The following TP63 variants were observed in gnomAD, a reference collection of about 807,000 sequenced individuals.
TP63 encodes the protein tumor protein p63, also known as tumor protein 63.
Under a neutral mutation model 82.8 loss-of-function variants are expected in TP63, and 17 were observed. The ratio of observed to expected loss-of-function variants is 0.21; its 90% CI spans 0.14 to 0.31. TP63 has a LOEUF of 0.31. Ranked by LOEUF, TP63 falls within the 10% of genes least tolerant of loss-of-function variation. The probability of loss-of-function intolerance (pLI) is 1.00; values close to 1 mark genes in which losing one functional copy is unlikely to be tolerated. For missense variants in TP63, 648 were observed against 895.3 expected (o/e 0.72, Z 3.52); for synonymous variants, 330 against 321.7 (o/e 1.03, Z -0.28).
the TP63 span, among the ~76,000 whole-genome samples, chr3:189,622,266 CAT>C: frequency 6.6e-6 from 1 of 152,210 alleles, no homozygotes; most frequent in East Asian, 1.9e-4. Context: ...CACTGAGGGA[CAT>C]GTGCTGGAAA....
intron 4 of TP63, among the ~76,000 whole-genome samples, chr3:189,830,436 A>G (rs2108703046): frequency 1.3e-5 from 2 of 152,346 alleles, no homozygotes; most frequent in Middle Eastern, 3.4e-3. Flanking sequence ...GAAATTGGAT[A>G]TCAGCATTAA....
intron 1 of TP63, among the ~76,000 whole-genome samples, chr3:189,699,069 A>C (rs1348263525): frequency 1.3e-5 from 2 of 152,162 alleles, no homozygotes; most frequent in Non-Finnish European, 2.9e-5. Flanking sequence ...TCCATTCACA[A>C]AGCTTACAAT....
chr3:189,643,460 A>AAAAG (rs973316988), intron 1 of TP63, among the ~76,000 whole-genome samples: 1 of 150,938 alleles, frequency 6.6e-6, no homozygotes, highest in African/African-American at 2.4e-5. Flanking sequence ...CTGATTAAAA[A>AAAAG]AAAAAAACCC....
At chr3:189,696,530 A>G (rs1474779890) in intron 1 of TP63, among the ~76,000 whole-genome samples, 1 of 152,148 alleles carries the variant, frequency 6.6e-6, no homozygotes, top group Non-Finnish European at 1.5e-5. Context: ...TTTTGCGTAG[A>G]TGTAAGTTTT....
At chr3:189,609,139 A>C in the TP63 span, among the ~76,000 whole-genome samples, 12 of 152,130 alleles carry the variant, frequency 7.9e-5, no homozygotes, top group Admixed American at 7.9e-4. Context: ...CACCATAAAT[A>C]AGAAATCACT....
At chr3:189,848,376 C>T (rs1209225611) in intron 4 of TP63, among the ~76,000 whole-genome samples, 2 of 141,018 alleles carry the variant, frequency 1.4e-5, no homozygotes, top group African/African-American at 5.3e-5. Flanking sequence ...TGCCCCCATA[C>T]CTGGCTTTTT....
At chr3:189,892,996 T>A (rs1033135971) in intron 13 of TP63, among the ~76,000 whole-genome samples, 4 of 152,128 alleles carry the variant, frequency 2.6e-5, no homozygotes, top group African/African-American at 9.7e-5. Context: ...AGCTTCTTCC[T>A]GCGTATTTCT....
intron 3 of TP63, among the ~76,000 whole-genome samples, chr3:189,775,575 A>G (rs1015912563): frequency 3.3e-5 from 5 of 152,198 alleles, no homozygotes; most frequent in African/African-American, 9.6e-5. Flanking sequence ...ACCTTCTAAT[A>G]TACTTGGGCA....
At chr3:189,780,456 T>C (rs1724143190) in intron 3 of TP63, among the ~76,000 whole-genome samples, 1 of 152,214 alleles carries the variant, frequency 6.6e-6, no homozygotes, top group African/African-American at 2.4e-5. Context: ...CTCTTGAAGT[T>C]GGATTTGGTT....
intron 10 of TP63, among the ~76,000 whole-genome samples, chr3:189,874,530 G>A (rs1170433500): frequency 6.6e-6 from 1 of 152,048 alleles, no homozygotes; most frequent in Non-Finnish European, 1.5e-5. Flanking sequence ...ATCCTTTTTG[G>A]CCCGAAGGGA....
Position 189,670,361 on chromosome 3 carries a change from A to G in TP63, c.62+38784A>G, listed in dbSNP as rs567485312. On this transcript the variant is annotated intron_variant, in intron 1 of 13. Coordinates refer to ENST00000264731, the MANE Select transcript of TP63 (RefSeq NM_003722.5). ...AGCACACAATACATGACAACTGCAG[A>G]ATGTACATTCTTTTTACCTACCAAG... is the stretch of plus-strand genomic sequence containing the variant. Among the ~76,000 whole-genome samples the G allele has an allele frequency of 3.0e-4, 46 of 152,198 alleles. 1 individual carries two copies. In the South Asian group the frequency reaches 4.1e-3, roughly 14 times the overall value.
chr3:189,788,295 T>G (rs1297989067), intron 3 of TP63, among the ~76,000 whole-genome samples: 1 of 152,034 alleles, frequency 6.6e-6, no homozygotes, highest in Admixed American at 6.6e-5. Context: ...GGAAGCATTA[T>G]TACCAGTAAC....
intron 1 of TP63, among the ~76,000 whole-genome samples, chr3:189,677,062 A>C (rs939942616): frequency 6.6e-6 from 1 of 151,390 alleles, no homozygotes; most frequent in Non-Finnish European, 1.5e-5. Context: ...CCCATTTATA[A>C]GTGAGAACAC....
rs375923314 is a variant in TP63 at position 189,732,638 on chromosome 3, C to T, written c.63-5102C>T. Among the ~76,000 whole-genome samples the T allele has an allele frequency of 3.5e-4, 54 of 152,312 alleles. No homozygotes were observed. The South Asian group carries it at 0.011, about 31-fold the overall frequency. On this transcript the variant is annotated intron_variant, in intron 1 of 13. Transcript: ENST00000264731. ...CCTCTCAACCACCTTCTGAGGGAAG[C>T]ATAGTTGAAGAAACTAAGGTTCAAA...
At chr3:189,759,739 G>A (rs996909532) in intron 3 of TP63, among the ~76,000 whole-genome samples, 2 of 152,204 alleles carry the variant, frequency 1.3e-5, no homozygotes, top group Non-Finnish European at 2.9e-5. Flanking sequence ...TTCTTATTAT[G>A]TAGATGAAGT....
chr3:189,850,956 C>T (rs1482208279), intron 4 of TP63, among the ~76,000 whole-genome samples: 22 of 152,134 alleles, frequency 1.4e-4, no homozygotes, highest in Admixed American at 1.4e-3. Flanking sequence ...TGTCAACAAA[C>T]ACTTTCTCAC....
chr3:189,659,552 ATT>A (rs914031341), intron 1 of TP63, among the ~76,000 whole-genome samples: 1 of 151,796 alleles, frequency 6.6e-6, no homozygotes, highest in African/African-American at 2.4e-5. Flanking sequence ...TTAATAAAAT[ATT>A]TTTTTCTTTT....
chr3:189,859,000 G>A (rs1402916405), intron 4 of TP63, among the ~76,000 whole-genome samples: 2 of 152,076 alleles, frequency 1.3e-5, no homozygotes, highest in Non-Finnish European at 2.9e-5. Context: ...GAAAAGATGG[G>A]TCAATGGGTA....
intron 4 of TP63, among the ~76,000 whole-genome samples, chr3:189,850,291 C>A: frequency 6.6e-6 from 1 of 151,974 alleles, no homozygotes; most frequent in East Asian, 1.9e-4. Context: ...CCCCGTACCC[C>A]TTCCCCCACC....
Sources: allele counts gnomAD v4.1 joint callset (sites outside exome capture counted in the v4.1 genomes callset), GRCh38; gene constraint gnomAD v4.1.1; transcripts MANE v1.5; gene names NCBI Gene and HGNC (gene_info 2026-07-23, HGNC 2026-07-21).